The following R3HDM1 variants were observed in gnomAD, a reference collection of about 807,000 sequenced individuals.
R3HDM1 encodes the protein R3H domain containing 1, also known as R3H domain-containing protein 1.
R3HDM1 carries 46 observed loss-of-function variants against 141.1 expected under a neutral mutation model. That is an observed-to-expected ratio of 0.33 (90% CI 0.26 to 0.42). R3HDM1 has a LOEUF of 0.42. Among genes scored for constraint, R3HDM1 ranks in the 10% least tolerant of loss-of-function variants. The pLI is 1.00. For missense variants in R3HDM1, 1,184 were observed against 1,368.3 expected (o/e 0.87, Z 2.12); for synonymous variants, 435 against 472.9 (o/e 0.92, Z 1.04).
intron 5 of R3HDM1, among the ~76,000 whole-genome samples, chr2:135,617,920 T>G (rs964516701): frequency 1.3e-5 from 2 of 152,192 alleles, no homozygotes; most frequent in Non-Finnish European, 2.9e-5. Context: ...CATTTGGTGA[T>G]TCAAACTAAA....
intron 19 of R3HDM1, among the ~76,000 whole-genome samples, chr2:135,663,621 G>A (rs563543397): frequency 4.1e-4 from 63 of 152,334 alleles, no homozygotes; most frequent in African/African-American, 1.5e-3. Flanking sequence ...CAACTGTTGT[G>A]TTGGTAATTG....
intron 19 of R3HDM1, among the ~76,000 whole-genome samples, chr2:135,674,037 G>T (rs2068778891): frequency 6.6e-6 from 1 of 152,160 alleles, no homozygotes; most frequent in Admixed American, 6.5e-5. Context: ...CTCCCAAAGT[G>T]CTGGGATCAT....
chr2:135,611,046 G>A (rs535261504), intron 3 of R3HDM1, among the ~76,000 whole-genome samples: 1 of 151,806 alleles, frequency 6.6e-6, no homozygotes, highest in South Asian at 2.1e-4. Flanking sequence ...CAAGGCTGCA[G>A]TGAGTTAGGA....
At chr2:135,570,636 G>A (rs575527885) in intron 1 of R3HDM1, among the ~76,000 whole-genome samples, 3 of 152,278 alleles carry the variant, frequency 2.0e-5, no homozygotes, top group South Asian at 2.1e-4. Context: ...GAGGACCTAG[G>A]ATAAAAATTA....
rs1419743478 is a variant in R3HDM1 at position 135,715,560 on chromosome 2, A to G, written c.2747A>G (p.Gln916Arg). 2.5e-6 allele frequency: 4 copies of G among 1,613,708 alleles called. No individual in the cohort carries two copies. In the African/African-American group the frequency reaches 5.3e-5, roughly 22 times the overall value. ...GTATTGTAATTGCAGCACAGCCCTC[A>G]ACTCAGTAGCCCCATTATTTCACCA... ...SVDNIVQHSP[Q>R]LSSPIISPAQ... is the part of the protein sequence containing the mutation. The change falls in exon 24 of 27, where the codon CAA becomes CGA. Residue 916 changes from glutamine (Q) to arginine (R), a missense_variant. Gln to Arg is a conservative substitution (Grantham distance 43). Coordinates refer to ENST00000683871, the MANE Select transcript of R3HDM1 (RefSeq NM_001378107.1).
chr2:135,647,890 T>C (rs1240084127), intron 16 of R3HDM1, among the ~76,000 whole-genome samples: 1 of 152,244 alleles, frequency 6.6e-6, no homozygotes, highest in South Asian at 2.1e-4. Flanking sequence ...AATTTCACTT[T>C]CATCAATCAA....
chr2:135,645,263 GT>G (rs931478781), intron 15 of R3HDM1, 115 bp from the exon 16 acceptor site: 248 of 889,760 alleles, frequency 2.8e-4, no homozygotes, highest in African/African-American at 1.1e-3. Flanking sequence ...AAATATTAGG[GT>G]TTTTTTTTAA....
intron 1 of R3HDM1, chr2:135,590,491 A>C (rs1317321026): frequency 1.1e-6 from 1 of 932,984 alleles, no homozygotes; most frequent in Non-Finnish European, 1.3e-6. Context: ...ATAACTACTA[A>C]AACAATTTGA....
Position 135,697,287 on chromosome 2 carries a change from AG to A in R3HDM1, c.2460-12145del, listed in dbSNP as rs989397750. ...CTTAGAACAGATGTCAGAAAACTAC[AG>A]CCCACAATCAAAGAATGGTTTTTAA... On this transcript the variant is annotated intron_variant, in intron 21 of 26. Coordinates refer to ENST00000683871, the MANE Select transcript of R3HDM1 (RefSeq NM_001378107.1). Among the ~76,000 whole-genome samples, 74 of 152,368 alleles carry A rather than the reference AG, an allele frequency of 4.9e-4. 1 individual carries two copies. Among genetic ancestry groups the A allele is most frequent in the African/African-American group, 1.6e-3 (66 of 41,582 alleles).
chr2:135,611,820 C>T (rs945189173), intron 3 of R3HDM1, among the ~76,000 whole-genome samples: 1 of 152,110 alleles, frequency 6.6e-6, no homozygotes, highest in African/African-American at 2.4e-5. Flanking sequence ...TTTCACGGTG[C>T]TTTCTTGTGC....
intron 19 of R3HDM1, among the ~76,000 whole-genome samples, chr2:135,666,788 TA>T (rs1172584464): frequency 6.6e-6 from 1 of 152,126 alleles, no homozygotes; most frequent in Non-Finnish European, 1.5e-5. Flanking sequence ...GGGCTGGCTT[TA>T]GTTGAACTTG....
chr2:135,590,432 C>CT (rs1175532372), intron 1 of R3HDM1: 1 of 510,726 alleles, frequency 2.0e-6, no homozygotes, highest in Non-Finnish European at 2.5e-6. Context: ...TGTATGCCCC[C>CT]TTGAGCTCCA....
At chr2:135,619,620 T>TC (rs2061366357) in intron 5 of R3HDM1, 1 of 417,818 alleles carries the variant, frequency 2.4e-6, no homozygotes, top group Admixed American at 6.4e-5. Flanking sequence ...GAAGTCTTTT[T>TC]CCAAGCCTTG....
chr2:135,548,761 C>T (rs1699257406), intron 1 of R3HDM1, among the ~76,000 whole-genome samples: 1 of 152,118 alleles, frequency 6.6e-6, no homozygotes, highest in Non-Finnish European at 1.5e-5. Context: ...CTTTTTATTA[C>T]AGAATCGTAT....
intron 21 of R3HDM1, among the ~76,000 whole-genome samples, chr2:135,698,052 CAA>C (rs1193995693): frequency 2.1e-4 from 15 of 72,904 alleles, no homozygotes; most frequent in Non-Finnish European, 1.4e-4. Flanking sequence ...AACTCTGTCT[CAA>C]AAAAAAAAAA....
At chr2:135,718,201 G>T (rs546341338) in intron 24 of R3HDM1, among the ~76,000 whole-genome samples, 1 of 152,206 alleles carries the variant, frequency 6.6e-6, no homozygotes, top group Non-Finnish European at 1.5e-5. Context: ...ACTGGGAAGG[G>T]ACTGGAGGGA....
chr2:135,706,529 A>C (rs1048891135), intron 21 of R3HDM1, among the ~76,000 whole-genome samples: 7 of 152,224 alleles, frequency 4.6e-5, no homozygotes, highest in South Asian at 4.1e-4. Flanking sequence ...CTGCGGCCTT[A>C]CGCAGTGTTT....
At chr2:135,700,767 CA>C (rs2105408821) in intron 21 of R3HDM1, among the ~76,000 whole-genome samples, 1 of 152,234 alleles carries the variant, frequency 6.6e-6, no homozygotes, top group Non-Finnish European at 1.5e-5. Context: ...CACATGATGG[CA>C]GTTTATTTTC....
chr2:135,589,301 A>C (rs1708678740), intron 1 of R3HDM1, among the ~76,000 whole-genome samples: 1 of 152,188 alleles, frequency 6.6e-6, no homozygotes, highest in Non-Finnish European at 1.5e-5. Flanking sequence ...AGCTGAGTTA[A>C]ATGTCATTTT....
Sources: gnomAD v4.1 joint callset for allele counts (sites outside exome capture counted in the v4.1 genomes callset) on GRCh38, gnomAD v4.1.1 for gene constraint, MANE v1.5 for transcripts, NCBI Gene and HGNC (gene_info 2026-07-23, HGNC 2026-07-21) for gene names.